GALNT17: variants seen among roughly 807,000 people sequenced by gnomAD.
The protein encoded by GALNT17 is polypeptide N-acetylgalactosaminyltransferase 17.
Under a neutral mutation model 63.7 loss-of-function variants are expected in GALNT17, and 29 were observed. That is an observed-to-expected ratio of 0.46 (90% CI 0.34 to 0.62). GALNT17 has a LOEUF of 0.62. Among genes scored for constraint, GALNT17 ranks in the 20% least tolerant of loss-of-function variants. The pLI is 0.01. For synonymous variants in GALNT17, 305 were observed against 318.3 expected, an observed-to-expected ratio of 0.96 and a Z score of 0.45; for missense variants, 603 against 799.6, an observed-to-expected ratio of 0.75 and a Z score of 2.97.
intron 2 of GALNT17, among the ~76,000 whole-genome samples, chr7:71,370,214 T>G (rs1792596243): frequency 6.6e-6 from 1 of 152,218 alleles, no homozygotes; most frequent in South Asian, 2.1e-4. Context: ...CAAACAAGAT[T>G]TTAGTCATTG....
At chr7:71,241,611 G>T (rs564900431) in intron 1 of GALNT17, among the ~76,000 whole-genome samples, 1 of 152,304 alleles carries the variant, frequency 6.6e-6, no homozygotes, top group African/African-American at 2.4e-5. Flanking sequence ...CCTGAGGCTG[G>T]GTGCAGTGTC....
At chr7:71,243,185 T>G (rs1790031119) in intron 1 of GALNT17, among the ~76,000 whole-genome samples, 1 of 152,180 alleles carries the variant, frequency 6.6e-6, no homozygotes, top group Admixed American at 6.5e-5. Context: ...ATCTTTCTTG[T>G]CCTCTCTTGC....
At chr7:71,246,485 T>C (rs550162411) in intron 1 of GALNT17, among the ~76,000 whole-genome samples, 1 of 151,558 alleles carries the variant, frequency 6.6e-6, no homozygotes, top group African/African-American at 2.4e-5. Context: ...AATGGAATGG[T>C]CATTTAAATT....
chr7:71,242,606 A>C (rs1197943455), intron 1 of GALNT17, among the ~76,000 whole-genome samples: 3 of 152,110 alleles, frequency 2.0e-5, no homozygotes, highest in Non-Finnish European at 4.4e-5. Flanking sequence ...GAGGGGATGA[A>C]CGTCCAAACT....
chr7:71,591,091 C>T (rs1463119766), intron 6 of GALNT17, among the ~76,000 whole-genome samples: 1 of 151,212 alleles, frequency 6.6e-6, no homozygotes. Context: ...GAGTCTCGCT[C>T]TGTCTCCCAT....
chr7:71,584,534 G>T (rs1464469146), intron 6 of GALNT17, among the ~76,000 whole-genome samples: 1 of 151,862 alleles, frequency 6.6e-6, no homozygotes, highest in East Asian at 1.9e-4. Flanking sequence ...AACATATAAA[G>T]ACTCTTTAAA....
chr7:71,594,321 G>A (rs370131771), intron 6 of GALNT17, among the ~76,000 whole-genome samples: 128 of 151,996 alleles, frequency 8.4e-4, no homozygotes, highest in Middle Eastern at 3.4e-3. Flanking sequence ...ACAGAGTCTC[G>A]CTCTGTCACC....
At chr7:71,688,829 C>A (rs1791399950) in intron 9 of GALNT17, among the ~76,000 whole-genome samples, 1 of 152,042 alleles carries the variant, frequency 6.6e-6, no homozygotes, top group African/African-American at 2.4e-5. Flanking sequence ...TACAGGCATA[C>A]CTCATTTCAT....
chr7:71,499,315 A>G (rs1288724769), intron 5 of GALNT17, among the ~76,000 whole-genome samples: 2 of 152,166 alleles, frequency 1.3e-5, no homozygotes, highest in Non-Finnish European at 1.5e-5. Flanking sequence ...CATCACTTTG[A>G]GAGGCTGAGA....
chr7:71,701,002 A>G (rs983129023), intron 9 of GALNT17, among the ~76,000 whole-genome samples: 11 of 152,172 alleles, frequency 7.2e-5, no homozygotes, highest in African/African-American at 2.7e-4. Flanking sequence ...AGTTAAGCAA[A>G]CACACCCCTG....
chr7:71,469,018 T>G (rs1274468279), intron 5 of GALNT17, among the ~76,000 whole-genome samples: 1 of 152,026 alleles, frequency 6.6e-6, no homozygotes, highest in African/African-American at 2.4e-5. Context: ...AATGACAAAG[T>G]GACATGCGTG....
chr7:71,364,398 A>G (rs1270017231), intron 2 of GALNT17, among the ~76,000 whole-genome samples: 1 of 152,128 alleles, frequency 6.6e-6, no homozygotes, highest in African/African-American at 2.4e-5. Flanking sequence ...CACAGGACTC[A>G]GTGCCCTCCA....
intron 4 of GALNT17, among the ~76,000 whole-genome samples, chr7:71,420,266 CAGGA>C (rs1277083727): frequency 6.6e-6 from 1 of 152,202 alleles, no homozygotes; most frequent in Non-Finnish European, 1.5e-5. Context: ...GGGAAGTGAG[CAGGA>C]AGCTGGGATT....
intron 6 of GALNT17, 73 bp from the exon 7 acceptor site, chr7:71,665,337 GC>G: frequency 1.4e-6 from 2 of 1,467,296 alleles, no homozygotes; most frequent in Non-Finnish European, 1.8e-6. Flanking sequence ...CTGAACCATT[GC>G]TTTTGGGCTT....
At chr7:71,165,819 A>C (rs931013097) in intron 1 of GALNT17, among the ~76,000 whole-genome samples, 3 of 152,204 alleles carry the variant, frequency 2.0e-5, no homozygotes, top group African/African-American at 7.2e-5. Flanking sequence ...TTAGGAGTTC[A>C]GGTCAAGCTA....
chr7:71,438,571 G>A (rs1341185987), intron 5 of GALNT17, among the ~76,000 whole-genome samples: 1 of 152,182 alleles, frequency 6.6e-6, no homozygotes. Context: ...TTCTTCATCT[G>A]TAAAGGGGAT....
intron 1 of GALNT17, among the ~76,000 whole-genome samples, chr7:71,330,464 CA>C (rs1261759354): frequency 6.6e-6 from 1 of 152,160 alleles, no homozygotes; most frequent in Non-Finnish European, 1.5e-5. Flanking sequence ...GTGGTGTAAT[CA>C]TAGCTCATTG....
chr7:71,214,396 G>T (rs972638245), intron 1 of GALNT17, among the ~76,000 whole-genome samples: 5 of 152,134 alleles, frequency 3.3e-5, no homozygotes, highest in African/African-American at 9.7e-5. Context: ...TTCTTTAAAG[G>T]TGACCTAGTA....
At chr7:71,549,738 G>A (rs950547811) in intron 5 of GALNT17, among the ~76,000 whole-genome samples, 5 of 152,012 alleles carry the variant, frequency 3.3e-5, no homozygotes, top group African/African-American at 1.2e-4. Context: ...GCCCAGGAGG[G>A]AATGGGGTCA....
Sources: gnomAD v4.1 joint callset for allele counts (sites outside exome capture counted in the v4.1 genomes callset) on GRCh38, gnomAD v4.1.1 for gene constraint, MANE v1.5 for transcripts, NCBI Gene and HGNC (gene_info 2026-07-23, HGNC 2026-07-21) for gene names.